Variants in CNNM1 observed in about 807,000 individuals in gnomAD.
CNNM1 encodes metal transporter CNNM1.
A neutral mutation model predicts 78.8 loss-of-function variants in CNNM1; 44 were observed. The observed-to-expected ratio is 0.56, with a 90% CI of 0.44 to 0.72. The LOEUF is 0.72. Among genes scored for constraint, CNNM1 ranks in the 30% least tolerant of loss-of-function variants. The probability of loss-of-function intolerance (pLI) is 0.00; values close to 1 mark genes in which losing one functional copy is unlikely to be tolerated. For synonymous variants in CNNM1, 584 were observed against 581.5 expected (o/e 1.00, Z -0.06); for missense variants, 1,101 against 1,292.2 (o/e 0.85, Z 2.27).
chr10:99,354,655 C>G (rs527932158), intron 1 of CNNM1, among the ~76,000 whole-genome samples: 99 of 152,160 alleles, frequency 6.5e-4, no homozygotes, highest in African/African-American at 2.2e-3. Context: ...TCGGGTAGAT[C>G]TGGGGGAGCT....
At chr10:99,335,504 CTTCTATATT>C (rs1564937181) in intron 1 of CNNM1, among the ~76,000 whole-genome samples, 1 of 152,084 alleles carries the variant, frequency 6.6e-6, no homozygotes, top group Non-Finnish European at 1.5e-5. Flanking sequence ...AAATACCTAA[CTTCTATATT>C]TCTATGTTTG....
At chr10:99,355,091 T>C (rs904014788) in intron 1 of CNNM1, among the ~76,000 whole-genome samples, 26 of 152,202 alleles carry the variant, frequency 1.7e-4, no homozygotes, top group African/African-American at 6.3e-4. Context: ...GAAGTTCATT[T>C]ACATTTTAAT....
At position 99,363,041 on chromosome 10, in the gene CNNM1, A is replaced by G. The variant is rs1292232751; in HGVS notation, c.2028+645A>G. 2.0e-5 allele frequency among the ~76,000 whole-genome samples: 3 copies of G among 152,200 alleles called. No homozygotes were observed. In the East Asian group the frequency reaches 5.8e-4, roughly 29 times the overall value. On this transcript the variant is annotated intron_variant, in intron 4 of 10. Coordinates refer to ENST00000356713, the MANE Select transcript of CNNM1 (RefSeq NM_020348.3). ...TACCTGAATAGGCCTGTCTTAAATAAGTGTCTGACATGATTGCAGCTTGTA... is the reference window on the plus strand; with the variant it reads ...TACCTGAATAGGCCTGTCTTAAATAGGTGTCTGACATGATTGCAGCTTGTA...
intron 6 of CNNM1, among the ~76,000 whole-genome samples, chr10:99,366,790 A>T (rs539231754): frequency 6.6e-6 from 1 of 152,282 alleles, no homozygotes; most frequent in East Asian, 1.9e-4. Context: ...CAAAAAAAAA[A>T]TTGTTTTAAG....
At chr10:99,362,107 G>A (rs2031452502) in intron 3 of CNNM1, 120 bp from the exon 4 acceptor site, 12 of 889,386 alleles carry the variant, frequency 1.3e-5, no homozygotes, top group Non-Finnish European at 2.0e-5. Flanking sequence ...CCAACCTGAT[G>A]CCCAGGTACA....
At chr10:99,361,095 T>C (rs2031417701) in intron 3 of CNNM1, 120 bp downstream of exon 3, 1 of 1,134,094 alleles carries the variant, frequency 8.8e-7, no homozygotes, top group Middle Eastern at 2.4e-4. Context: ...TGAGAAGCAC[T>C]GTTCTAGGAA....
chr10:99,330,382 C>G lies in CNNM1; in HGVS notation c.995C>G (p.Thr332Ser). Residue 332 changes from threonine (T) to serine (S), a missense_variant, in exon 1 of 11, where the codon ACC becomes AGC. Physicochemically the swap from Thr to Ser is moderately conservative, Grantham distance 58. This residue lies in a region of CNNM1 where 476 missense variants were observed against 484.5 expected (regional missense o/e 0.98). Transcript: ENST00000356713. ...CCGTGGCTGCCGGCGCTCGTGTGCA[C>G]CGGCGCGGTATTCCTGGGCGCCGAA... ...HFPWLPALVC[T>S]GAVFLGAEIC... The G allele has an allele frequency of 6.3e-7, 1 of 1,595,974 alleles. No individual in the cohort carries two copies. Among genetic ancestry groups the G allele is most frequent in the South Asian group, 1.1e-5 (1 of 87,960 alleles).
intron 7 of CNNM1, among the ~76,000 whole-genome samples, chr10:99,381,719 G>C (rs371069760): frequency 6.6e-6 from 1 of 151,260 alleles, no homozygotes; most frequent in Non-Finnish European, 1.5e-5. Flanking sequence ...CTCCAGCCTG[G>C]GCGACAAGAG....
intron 6 of CNNM1, among the ~76,000 whole-genome samples, chr10:99,365,928 G>C (rs972737417): frequency 6.6e-6 from 1 of 152,178 alleles, no homozygotes; most frequent in Non-Finnish European, 1.5e-5. Flanking sequence ...GAAATGACTT[G>C]CTTCAAATCA....
At chr10:99,352,601 T>C (rs2030988321) in intron 1 of CNNM1, among the ~76,000 whole-genome samples, 1 of 152,232 alleles carries the variant, frequency 6.6e-6, no homozygotes, top group African/African-American at 2.4e-5. Flanking sequence ...TGATTTGAAT[T>C]TCCTTCATGA....
At chr10:99,387,664 C>T (rs929914757) in intron 7 of CNNM1, among the ~76,000 whole-genome samples, 156 bp from the exon 8 acceptor site, 14 of 152,206 alleles carry the variant, frequency 9.2e-5, no homozygotes, top group African/African-American at 3.1e-4. Context: ...TGCTGGACTG[C>T]TACAGCGTGG....
rs138102961 is a variant in CNNM1, at chr10:99,344,526, A to G, written c.1574-12986A>G. Among the ~76,000 whole-genome samples the G allele has an allele frequency of 6.6e-5, 10 of 152,294 alleles. No homozygotes were observed. In the East Asian group the frequency reaches 1.9e-3, roughly 29 times the overall value. On this transcript the variant is annotated intron_variant, in intron 1 of 10. Transcript: ENST00000356713. Reference sequence around the variant, plus strand: ...GTCCTTTCTCTCTCTGATCCAGCCCATGTAAAACTGTATATAATAAGAAAA... The same window carrying G: ...GTCCTTTCTCTCTCTGATCCAGCCCGTGTAAAACTGTATATAATAAGAAAA...
intron 1 of CNNM1, among the ~76,000 whole-genome samples, chr10:99,356,551 AGACAGACAGAC>A (rs2134041034): frequency 1.1e-5 from 1 of 91,726 alleles, no homozygotes; most frequent in African/African-American, 4.2e-5. Flanking sequence ...ACAGACAGAC[AGACAGACAGAC>A]AGAAAGAAAG....
At chr10:99,339,372 C>T (rs1339824026) in intron 1 of CNNM1, among the ~76,000 whole-genome samples, 1 of 152,210 alleles carries the variant, frequency 6.6e-6, no homozygotes, top group Admixed American at 6.5e-5. Context: ...GGTCTTCCTG[C>T]AAGTGGTCTG....
At chr10:99,361,667 C>T (rs1017987294) in intron 3 of CNNM1, among the ~76,000 whole-genome samples, 3 of 152,166 alleles carry the variant, frequency 2.0e-5, no homozygotes, top group Non-Finnish European at 4.4e-5. Flanking sequence ...AACTACTTCC[C>T]AGAGCCTATG....
At chr10:99,349,881 C>A (rs2030868918) in intron 1 of CNNM1, among the ~76,000 whole-genome samples, 2 of 152,132 alleles carry the variant, frequency 1.3e-5, no homozygotes, top group South Asian at 4.1e-4. Context: ...TGCCTGTAGT[C>A]CCAGCTACTC....
intron 9 of CNNM1, among the ~76,000 whole-genome samples, chr10:99,389,122 A>G (rs546948369): frequency 6.6e-6 from 1 of 152,278 alleles, no homozygotes; most frequent in South Asian, 2.1e-4. Context: ...GTGCTCCAAG[A>G]TTTTTAAAGT....
Position 99,357,631 on chromosome 10 carries a change from A to G in CNNM1, c.1693A>G (p.Ile565Val). The G allele has an allele frequency of 6.2e-7, 1 of 1,612,516 alleles. No homozygotes were observed. The highest frequency in any genetic ancestry group is 8.5e-7 in the Non-Finnish European group (1 of 1,179,250). Residue 565 changes from isoleucine to valine, a missense_variant, in exon 2 of 11, where the codon ATC becomes GTC. Transcript: ENST00000356713. Reference sequence around the variant, plus strand: ...CATAGAGGAGATTATCAAGTCGGAGATCCTGGATGAAACTGATCTCTACAG... The same window carrying G: ...CATAGAGGAGATTATCAAGTCGGAGGTCCTGGATGAAACTGATCTCTACAG... ...DIIEEIIKSEILDETDLYTDN... is the reference protein window; with the variant it reads ...DIIEEIIKSEVLDETDLYTDN...
chr10:99,362,491 C>A, intron 4 of CNNM1, 95 bp downstream of exon 4: 1 of 1,338,328 alleles, frequency 7.5e-7, no homozygotes, highest in Non-Finnish European at 1.0e-6. Flanking sequence ...AGTTCCAAGA[C>A]TTGGCTGGCT....
Sources: allele counts gnomAD v4.1 joint callset (sites outside exome capture counted in the v4.1 genomes callset), GRCh38; gene constraint gnomAD v4.1.1; regional missense constraint gnomAD v4.1.1; transcripts MANE v1.5; gene names NCBI Gene and HGNC (gene_info 2026-07-23, HGNC 2026-07-21).